Variants in CAMK1D observed in about 807,000 individuals in gnomAD.
CAMK1D encodes calcium/calmodulin dependent protein kinase ID, also known as calcium/calmodulin-dependent protein kinase type 1D.
In CAMK1D, 9 loss-of-function variants were observed where a neutral mutation model predicts 47.7. The observed-to-expected ratio is 0.19, with a 90% CI of 0.11 to 0.33. CAMK1D has a LOEUF of 0.33. Ranked by LOEUF, CAMK1D falls within the 10% of genes least tolerant of loss-of-function variation. The pLI is 1.00. For synonymous variants in CAMK1D, 184 were observed against 184.9 expected (o/e 0.99, Z 0.04); for missense variants, 291 against 488.7 (o/e 0.60, Z 3.81).
At chr10:12,552,810 C>T (rs993451905) in intron 1 of CAMK1D, among the ~76,000 whole-genome samples, 3 of 152,156 alleles carry the variant, frequency 2.0e-5, no homozygotes, top group Non-Finnish European at 4.4e-5. Context: ...GACACGATCT[C>T]GGCTCACTGC....
intron 2 of CAMK1D, among the ~76,000 whole-genome samples, chr10:12,652,822 G>A (rs1465421205): frequency 6.6e-5 from 10 of 152,136 alleles, no homozygotes; most frequent in African/African-American, 2.4e-4. Flanking sequence ...TTGGAGAGGT[G>A]GATGTGTATT....
intron 1 of CAMK1D, among the ~76,000 whole-genome samples, chr10:12,457,354 G>A (rs1833281875): frequency 6.6e-6 from 1 of 151,506 alleles, no homozygotes; most frequent in African/African-American, 2.4e-5. Context: ...TCGAGCCACT[G>A]CCCTCCAGCC....
intron 1 of CAMK1D, among the ~76,000 whole-genome samples, chr10:12,394,927 G>A (rs969740916): frequency 1.2e-4 from 19 of 152,170 alleles, no homozygotes; most frequent in East Asian, 3.8e-4. Flanking sequence ...AGGAGGCCTT[G>A]GAGGGCAGGG....
At chr10:12,663,074 G>A (rs988694190) in intron 2 of CAMK1D, among the ~76,000 whole-genome samples, 1 of 152,154 alleles carries the variant, frequency 6.6e-6, no homozygotes, top group Non-Finnish European at 1.5e-5. Flanking sequence ...CGATTGTCCT[G>A]CCTCAGCCTC....
intron 4 of CAMK1D, among the ~76,000 whole-genome samples, chr10:12,761,985 G>T (rs1836533332): frequency 6.6e-6 from 1 of 152,190 alleles, no homozygotes. Flanking sequence ...GGCACAGAAG[G>T]ATCTGGGCCT....
At chr10:12,444,568 C>G (rs762193638) in intron 1 of CAMK1D, among the ~76,000 whole-genome samples, 1 of 152,144 alleles carries the variant, frequency 6.6e-6, no homozygotes, top group Non-Finnish European at 1.5e-5. Context: ...TAGAGGCAGA[C>G]ATCAGTCAAT....
intron 3 of CAMK1D, among the ~76,000 whole-genome samples, chr10:12,735,253 G>A (rs554858638): frequency 6.6e-6 from 1 of 152,160 alleles, no homozygotes; most frequent in Non-Finnish European, 1.5e-5. Context: ...GAGGCGGGCG[G>A]ATCACGAGGT....
chr10:12,676,220 C>T (rs1298365105), intron 3 of CAMK1D, among the ~76,000 whole-genome samples: 1 of 152,214 alleles, frequency 6.6e-6, no homozygotes. Flanking sequence ...TCCCAGAGTG[C>T]TGGGATTACA....
At chr10:12,504,899 C>T (rs1936623831) in intron 1 of CAMK1D, among the ~76,000 whole-genome samples, 1 of 152,198 alleles carries the variant, frequency 6.6e-6, no homozygotes, top group East Asian at 1.9e-4. Flanking sequence ...ATGATGCTCT[C>T]CTGAGGTGTG....
intron 4 of CAMK1D, among the ~76,000 whole-genome samples, chr10:12,769,372 A>G (rs760236311): frequency 5.6e-4 from 85 of 152,236 alleles, no homozygotes; most frequent in Non-Finnish European, 7.9e-4. Flanking sequence ...ACGTAAATCC[A>G]CAAGTCTGCA....
At chr10:12,729,853 G>A (rs986333182) in intron 3 of CAMK1D, among the ~76,000 whole-genome samples, 2 of 152,158 alleles carry the variant, frequency 1.3e-5, no homozygotes, top group Non-Finnish European at 2.9e-5. Context: ...AAGGCCCAGC[G>A]GAAGGCTGGT....
chr10:12,365,917 G>C (rs761951442), intron 1 of CAMK1D, among the ~76,000 whole-genome samples: 2 of 152,182 alleles, frequency 1.3e-5, no homozygotes, highest in African/African-American at 4.8e-5. Flanking sequence ...TTAGCTGGGC[G>C]TGGTGGCACA....
intron 2 of CAMK1D, among the ~76,000 whole-genome samples, chr10:12,612,462 C>T (rs768506453): frequency 6.6e-6 from 1 of 151,700 alleles, no homozygotes; most frequent in African/African-American, 2.4e-5. Context: ...CTGCCTCAGC[C>T]TCCCAAGTAG....
intron 2 of CAMK1D, among the ~76,000 whole-genome samples, chr10:12,583,803 G>A (rs769706067): frequency 5.9e-5 from 9 of 151,958 alleles, no homozygotes; most frequent in South Asian, 4.2e-4. Context: ...GTTTCACCAC[G>A]TTGGCCAGGA....
chr10:12,716,861 G>A (rs1316106004), intron 3 of CAMK1D, among the ~76,000 whole-genome samples: 1 of 152,162 alleles, frequency 6.6e-6, no homozygotes, highest in Non-Finnish European at 1.5e-5. Context: ...CCGCGGCCTG[G>A]CTGTCGGGAC....
At position 12,835,164 on chromosome 10, in the gene CAMK1D, A is replaced by G. The variant is rs1414467421; in HGVS notation, c.*6277A>G. ...AGAATAAACATTGGAACAATCTCTC[A>G]ATTGGCTTTTGTCACTACACATAAT... On this transcript the variant is annotated 3_prime_UTR_variant, in exon 11 of 11. Coordinates refer to ENST00000619168, the MANE Select transcript of CAMK1D (RefSeq NM_153498.4). 6.6e-6 allele frequency: 1 copy of G among 152,160 alleles called. No homozygotes were observed. The highest frequency in any genetic ancestry group is 1.5e-5 in the Non-Finnish European group (1 of 68,032). The allele number at this position is 152,160 out of a possible 1,614,324, so 9.4% of individuals were successfully genotyped here.
intron 2 of CAMK1D, among the ~76,000 whole-genome samples, chr10:12,650,676 C>T (rs1211418831): frequency 6.6e-6 from 1 of 152,206 alleles, no homozygotes. Flanking sequence ...CTGCCCACTC[C>T]ACCCGCCCCA....
intron 2 of CAMK1D, chr10:12,578,816 A>T (rs561601367): frequency 9.3e-4 from 144 of 154,196 alleles, no homozygotes; most frequent in Admixed American, 1.8e-3. Context: ...AAGTTACTTT[A>T]CCTCTGTGAT....
intron 5 of CAMK1D, among the ~76,000 whole-genome samples, chr10:12,777,363 CTTTTTTTTTTTTTTT>C (rs869192068): frequency 1.1e-5 from 1 of 88,524 alleles, no homozygotes; most frequent in African/African-American, 4.3e-5. Flanking sequence ...TTTGGTTGAA[CTTTTTTTTTTTTTTT>C]TTTTTTTTTT....
Sources: allele counts gnomAD v4.1 joint callset (sites outside exome capture counted in the v4.1 genomes callset), GRCh38; gene constraint gnomAD v4.1.1; transcripts MANE v1.5; gene names NCBI Gene and HGNC (gene_info 2026-07-23, HGNC 2026-07-21).